GPC6: variants seen among roughly 807,000 people sequenced by gnomAD.
The protein encoded by GPC6 is glypican 6.
A neutral mutation model predicts 55.2 loss-of-function variants in GPC6; 14 were observed. That is an observed-to-expected ratio of 0.25 (90% CI 0.17 to 0.40). The LOEUF is 0.40. Among genes scored for constraint, GPC6 ranks in the 10% least tolerant of loss-of-function variants. The pLI is 1.00. For synonymous variants in GPC6, 278 were observed against 259.6 expected, an observed-to-expected ratio of 1.07 and a Z score of -0.68; for missense variants, 641 against 708.5, an observed-to-expected ratio of 0.90 and a Z score of 1.08.
intron 2 of GPC6, among the ~76,000 whole-genome samples, chr13:93,691,550 C>A (rs1882258021): frequency 6.6e-6 from 1 of 151,568 alleles, no homozygotes; most frequent in Admixed American, 6.6e-5. Context: ...GTTTTCAGAG[C>A]TGATGACTTC....
intron 4 of GPC6, 152 bp downstream of exon 4, chr13:94,028,046 C>G: frequency 1.3e-6 from 1 of 749,344 alleles, no homozygotes; most frequent in South Asian, 1.5e-5. Context: ...AGATGGATTG[C>G]TTGAGCCCAG....
At chr13:93,747,082 A>G (rs1441426093) in intron 2 of GPC6, among the ~76,000 whole-genome samples, 1 of 152,228 alleles carries the variant, frequency 6.6e-6, no homozygotes, top group African/African-American at 2.4e-5. Context: ...GATATTCATG[A>G]GCTTGTTGGC....
In GPC6 at chr13:93,290,313, C is replaced by T. The variant is rs553958646; in HGVS notation, c.160+62697C>T. On this transcript the variant is annotated intron_variant, in intron 1 of 8. Coordinates refer to ENST00000377047, the MANE Select transcript of GPC6 (RefSeq NM_005708.5). Reference sequence around the variant, plus strand: ...AAGAGAATAGAGGGATGATATTGTACGCTGGGGCATATCAATTAAGAACTA... The same window carrying T: ...AAGAGAATAGAGGGATGATATTGTATGCTGGGGCATATCAATTAAGAACTA... Among the ~76,000 whole-genome samples the T allele has an allele frequency of 1.4e-4, 22 of 152,082 alleles. 1 individual carries two copies. Among genetic ancestry groups the T allele is most frequent in the Middle Eastern group, 3.4e-3 (1 of 294 alleles).
At chr13:93,237,792 A>G (rs1876289253) in intron 1 of GPC6, among the ~76,000 whole-genome samples, 1 of 140,414 alleles carries the variant, frequency 7.1e-6, no homozygotes, top group Non-Finnish European at 1.6e-5. Flanking sequence ...GTGACTAGAC[A>G]GTTTTCTCAG....
At chr13:94,141,844 G>A (rs1413745409) in intron 4 of GPC6, among the ~76,000 whole-genome samples, 2 of 151,990 alleles carry the variant, frequency 1.3e-5, no homozygotes, top group Non-Finnish European at 2.9e-5. Flanking sequence ...CTGAATAAAG[G>A]GGAAGAACCA....
At chr13:93,251,645 A>G (rs769247356) in intron 1 of GPC6, among the ~76,000 whole-genome samples, 16 of 152,176 alleles carry the variant, frequency 1.1e-4, no homozygotes, top group Non-Finnish European at 2.4e-4. Flanking sequence ...TTTCCTATCT[A>G]TACAGAGAGA....
chr13:93,378,299 A>T (rs1185490153), intron 1 of GPC6, among the ~76,000 whole-genome samples: 1 of 152,150 alleles, frequency 6.6e-6, no homozygotes, highest in Admixed American at 6.5e-5. Context: ...CTCCAAACTG[A>T]CATATTTAAT....
chr13:93,226,361 C>G (rs1420922838), upstream of GPC6, among the ~76,000 whole-genome samples: 4 of 152,084 alleles, frequency 2.6e-5, 1 homozygote, highest in South Asian at 8.3e-4. Flanking sequence ...AGAACCAAAC[C>G]TTTAAAAATT....
At chr13:93,794,765 CA>C (rs935036345) in intron 2 of GPC6, among the ~76,000 whole-genome samples, 3 of 152,148 alleles carry the variant, frequency 2.0e-5, no homozygotes, top group Non-Finnish European at 2.9e-5. Flanking sequence ...CAAAACAGGG[CA>C]GATAAAATCT....
At chr13:94,280,237 T>C (rs1594127067) in intron 4 of GPC6, among the ~76,000 whole-genome samples, 1 of 152,216 alleles carries the variant, frequency 6.6e-6, no homozygotes, top group East Asian at 1.9e-4. Context: ...GTTTAAAGCC[T>C]GTTTTTTCAG....
chr13:93,510,160 T>C (rs1880895629), intron 1 of GPC6, among the ~76,000 whole-genome samples: 1 of 152,152 alleles, frequency 6.6e-6, no homozygotes. Context: ...TTACATGTAA[T>C]GTGTAGTGAT....
rs1477948797 is a variant in GPC6, at chr13:93,895,232, G to GTGTGTA, written c.711+64690_711+64691insGTATGT. Among the ~76,000 whole-genome samples, 33 of 73,374 alleles carry GTGTGTA rather than the reference G, an allele frequency of 4.5e-4. 2 individuals carry two copies. The highest frequency in any genetic ancestry group is 9.3e-4 in the South Asian group (2 of 2,158). 48.1% of individuals were successfully genotyped at this position (73,374 alleles called of 152,430 possible). The stretch of plus-strand genomic sequence containing the variant: ...TGTGTGTGTGTATGTATGTGTGTGT[G>GTGTGTA]TGTATATATATATATATATATATAT... On this transcript the variant is annotated intron_variant, in intron 3 of 8. Transcript: ENST00000377047.
intron 3 of GPC6, among the ~76,000 whole-genome samples, chr13:93,952,822 T>C (rs886235871): frequency 8.9e-5 from 13 of 145,528 alleles, no homozygotes; most frequent in South Asian, 2.1e-4. Flanking sequence ...CACACACACA[T>C]ATATATACGT....
At chr13:94,065,187 CT>C (rs1884474152) in intron 4 of GPC6, among the ~76,000 whole-genome samples, 1 of 152,070 alleles carries the variant, frequency 6.6e-6, no homozygotes. Flanking sequence ...TATGCTTTGC[CT>C]GTTAATCTTT....
intron 3 of GPC6, among the ~76,000 whole-genome samples, chr13:93,956,626 C>T (rs1256693272): frequency 6.6e-6 from 1 of 152,190 alleles, no homozygotes; most frequent in African/African-American, 2.4e-5. Flanking sequence ...ATTAATCAAA[C>T]AACACATATT....
At chr13:93,220,814 A>C in the GPC6 span, among the ~76,000 whole-genome samples, 1 of 152,188 alleles carries the variant, frequency 6.6e-6, no homozygotes, top group Non-Finnish European at 1.5e-5. Flanking sequence ...TCTAGGCATG[A>C]AAATCACTTA....
intron 2 of GPC6, among the ~76,000 whole-genome samples, chr13:93,553,223 A>G (rs1162094049): frequency 6.6e-6 from 1 of 151,382 alleles, no homozygotes; most frequent in African/African-American, 2.4e-5. Context: ...TTCTTCTTCC[A>G]CTGAGCCAGT....
intron 7 of GPC6, among the ~76,000 whole-genome samples, chr13:94,386,908 T>G (rs1268780796): frequency 6.6e-6 from 1 of 152,250 alleles, no homozygotes; most frequent in African/African-American, 2.4e-5. Flanking sequence ...GCTCCATAGC[T>G]CTCTACCGTA....
At chr13:94,400,895 T>G (rs1881101802) in intron 8 of GPC6, among the ~76,000 whole-genome samples, 1 of 152,202 alleles carries the variant, frequency 6.6e-6, no homozygotes, top group African/African-American at 2.4e-5. Flanking sequence ...TTACTCTCAT[T>G]TTTACGGGTG....
Sources: allele counts gnomAD v4.1 joint callset (sites outside exome capture counted in the v4.1 genomes callset), GRCh38; gene constraint gnomAD v4.1.1; transcripts MANE v1.5; gene names NCBI Gene and HGNC (gene_info 2026-07-23, HGNC 2026-07-21).